Variants in ARHGEF4 observed in about 807,000 individuals in gnomAD.
ARHGEF4 encodes APC-stimulated guanine nucleotide exchange factor 1.
In ARHGEF4, 119 loss-of-function variants were observed where a neutral mutation model predicts 162.0. That is an observed-to-expected ratio of 0.73 (90% CI 0.63 to 0.86). The LOEUF (loss-of-function observed/expected upper bound fraction) is 0.86. Among genes scored for constraint, ARHGEF4 ranks in the 40% least tolerant of loss-of-function variants. The pLI, the probability that ARHGEF4 is intolerant of heterozygous loss-of-function variation, is 0.00. For synonymous variants in ARHGEF4, 1,014 were observed against 979.9 expected, an observed-to-expected ratio of 1.03 and a Z score of -0.65; for missense variants, 2,488 against 2,456.0, an observed-to-expected ratio of 1.01 and a Z score of -0.28.
intron 1 of ARHGEF4, among the ~76,000 whole-genome samples, chr2:130,842,922 G>A (rs1028006739): frequency 6.6e-5 from 10 of 152,144 alleles, no homozygotes; most frequent in African/African-American, 1.4e-4. Context: ...TGAAGGGGGC[G>A]ACGTGCAGCT....
chr2:130,913,933 T>G lies in ARHGEF4; in HGVS notation c.40-53T>G, dbSNP rs982463357. ...CAAAGGCAGGCACGGTGTAAACATG[T>G]GCACAGATGTACTCAGGCCTTGTCT... is the stretch of plus-strand genomic sequence containing the variant. On this transcript the variant is annotated intron_variant, in intron 1 of 13. Transcript: ENST00000409359. The G allele has an allele frequency of 3.9e-6, 6 of 1,532,112 alleles. No homozygotes were observed. In the African/African-American group the frequency reaches 8.2e-5, roughly 21 times the overall value. The allele number at this position is 1,532,112 out of a possible 1,614,324, so 94.9% of individuals were successfully genotyped here.
At chr2:130,995,888 CTTT>C (rs1184456550) in intron 4 of ARHGEF4, among the ~76,000 whole-genome samples, 18 of 136,860 alleles carry the variant, frequency 1.3e-4, no homozygotes, top group African/African-American at 3.5e-4. Context: ...TATTATTCAC[CTTT>C]TTTTTTTTTT....
chr2:130,931,252 G>A lies in ARHGEF4; in HGVS notation c.3853G>A (p.Val1285Ile). Residue 1285 changes from valine (V) to isoleucine (I), a missense_variant, in exon 3 of 14, where the codon GTC (valine) becomes ATC (isoleucine). Transcript: ENST00000409359. ...CATAGGGGCAGTGCACAAAGATGGA[G>A]TCAAGGTAAGCCACTCCCGGCCAGG... ...LHIGAVHKDG[V>I]KCWRKTIITS... 6.2e-7 allele frequency: 1 copy of A among 1,604,098 alleles called. No homozygotes were observed. Among genetic ancestry groups the A allele is most frequent in the South Asian group, 1.1e-5 (1 of 90,234 alleles).
intron 4 of ARHGEF4, among the ~76,000 whole-genome samples, chr2:131,027,384 T>C (rs1245434526): frequency 6.6e-6 from 1 of 152,218 alleles, no homozygotes; most frequent in Non-Finnish European, 1.5e-5. Flanking sequence ...AAGTTCTAAC[T>C]CTTGAATATC....
intron 5 of ARHGEF4, chr2:131,034,835 G>T (rs945819613): frequency 1.9e-4 from 46 of 246,154 alleles, no homozygotes; most frequent in African/African-American, 1.0e-3. Context: ...GCAGCGCAGC[G>T]CACGCCCGAG....
rs1247179544 is a variant in ARHGEF4, at chr2:130,914,869, G to A, written c.923G>A (p.Arg308His). The A allele has an allele frequency of 1.3e-5, 20 of 1,484,488 alleles. No homozygotes were observed. The highest frequency in any genetic ancestry group is 4.2e-5 in the South Asian group (3 of 71,966). The allele number at this position is 1,484,488 out of a possible 1,614,324, so 92.0% of individuals were successfully genotyped here. ...LRTSCLLRTN[R>H]HHSAPETTGD... ...ACATCTTGCCTCCTACGCACCAACCGTCACCATAGTGCCCCAGAAACTACT... is the reference window on the plus strand; with the variant it reads ...ACATCTTGCCTCCTACGCACCAACCATCACCATAGTGCCCCAGAAACTACT... The change falls in exon 2 of 14, where the codon CGT becomes CAT. Residue 308 changes from arginine (R) to histidine (H), a missense_variant. This residue lies in a region of ARHGEF4 where 1,642 missense variants were observed against 1,481.5 expected (regional missense o/e 1.11). Coordinates refer to ENST00000409359, the MANE Select transcript of ARHGEF4 (RefSeq NM_001367493.1).
chr2:130,929,261 G>A lies in ARHGEF4; in HGVS notation c.3553-1691G>A, dbSNP rs1315403382. Among the ~76,000 whole-genome samples, 6 of 152,176 alleles carry A rather than the reference G, an allele frequency of 3.9e-5. No homozygotes were observed. The East Asian group carries it at 1.2e-3, about 29-fold the overall frequency. The stretch of plus-strand genomic sequence containing the variant: ...CTCAAATAAACACATTAGATCAGTG[G>A]TTTGCAACCTTGGACATACCTGGAG... On this transcript the variant is annotated intron_variant, in intron 2 of 13. Coordinates refer to ENST00000409359, the MANE Select transcript of ARHGEF4 (RefSeq NM_001367493.1).
At chr2:130,937,402 C>T (rs1034138149) in intron 3 of ARHGEF4, among the ~76,000 whole-genome samples, 1 of 152,082 alleles carries the variant, frequency 6.6e-6, no homozygotes, top group Non-Finnish European at 1.5e-5. Context: ...AGACATGTTA[C>T]ATTGAATTTT....
chr2:130,975,473 C>G (rs894458736), intron 4 of ARHGEF4, among the ~76,000 whole-genome samples: 3 of 152,106 alleles, frequency 2.0e-5, no homozygotes, highest in Non-Finnish European at 4.4e-5. Flanking sequence ...GGCCCAGGTA[C>G]CAAAAAACTC....
chr2:130,988,272 C>G (rs573395402), intron 4 of ARHGEF4, among the ~76,000 whole-genome samples: 1 of 152,326 alleles, frequency 6.6e-6, no homozygotes, highest in South Asian at 2.1e-4. Flanking sequence ...GTGGGAAGCT[C>G]TCTGCCAGCC....
At chr2:130,895,539 T>C (rs1423382995) in intron 1 of ARHGEF4, among the ~76,000 whole-genome samples, 1 of 152,190 alleles carries the variant, frequency 6.6e-6, no homozygotes, top group East Asian at 1.9e-4. Flanking sequence ...CCTCAGCTTT[T>C]TGGGTTTTGG....
At chr2:131,030,973 GGGTT>G (rs1165363042) in intron 5 of ARHGEF4, among the ~76,000 whole-genome samples, 2 of 152,248 alleles carry the variant, frequency 1.3e-5, no homozygotes, top group Non-Finnish European at 2.9e-5. Context: ...GCTTTGCTGG[GGGTT>G]AGCGTGACTT....
chr2:130,866,261 T>G (rs1421742312), intron 1 of ARHGEF4, among the ~76,000 whole-genome samples: 2 of 152,140 alleles, frequency 1.3e-5, no homozygotes, highest in Non-Finnish European at 1.5e-5. Context: ...GGCATGCATC[T>G]GTAATCCAGC....
chr2:130,917,304 C>T lies in ARHGEF4; in HGVS notation c.3358C>T (p.Leu1120Phe), dbSNP rs1390021946. 2 of 1,550,480 alleles carry T rather than the reference C, an allele frequency of 1.3e-6. No individual in the cohort carries two copies. Among genetic ancestry groups the T allele is most frequent in the African/African-American group, 2.7e-5 (2 of 73,050 alleles). ...GRGSAISMVS[L>F]GSYSYVDSSS... ...GGGTAGCGCCATCTCCATGGTTTCT[C>T]TTGGAAGCTACAGCTACGTGGACAG... is the stretch of plus-strand genomic sequence containing the variant. Residue 1120 changes from leucine to phenylalanine, a missense_variant, in exon 2 of 14, where the codon CTT becomes TTT. By Grantham distance (22) the Leu-to-Phe change is conservative. This residue lies in a region of ARHGEF4 where 1,642 missense variants were observed against 1,481.5 expected (regional missense o/e 1.11). Transcript: ENST00000409359.
chr2:130,873,373 G>T (rs1408777434), intron 1 of ARHGEF4, among the ~76,000 whole-genome samples: 1 of 152,124 alleles, frequency 6.6e-6, no homozygotes, highest in African/African-American at 2.4e-5. Flanking sequence ...TGGATCACCT[G>T]AGATCAGGAG....
chr2:131,043,677 G>A, intron 11 of ARHGEF4, 94 bp downstream of exon 11: 1 of 1,578,962 alleles, frequency 6.3e-7, no homozygotes, highest in South Asian at 1.1e-5. Context: ...ACAGGTGCCA[G>A]CCAGACCATA....
chr2:131,022,565 G>A (rs1689200384), intron 4 of ARHGEF4, among the ~76,000 whole-genome samples: 1 of 151,308 alleles, frequency 6.6e-6, no homozygotes, highest in Non-Finnish European at 1.5e-5. Flanking sequence ...GTGGAGAAAT[G>A]ATATTCTTTT....
intron 1 of ARHGEF4, among the ~76,000 whole-genome samples, chr2:130,890,632 A>G (rs1679809656): frequency 6.6e-6 from 1 of 151,182 alleles, no homozygotes; most frequent in Non-Finnish European, 1.5e-5. Flanking sequence ...AACCTATCTT[A>G]TAATTCACTA....
intron 4 of ARHGEF4, among the ~76,000 whole-genome samples, chr2:131,008,270 T>C (rs991724832): frequency 2.6e-5 from 4 of 152,232 alleles, no homozygotes; most frequent in African/African-American, 9.6e-5. Context: ...TACATACTTG[T>C]GTGCTTTTCT....
Sources: gnomAD v4.1 joint callset for allele counts (sites outside exome capture counted in the v4.1 genomes callset) on GRCh38, gnomAD v4.1.1 for gene constraint, gnomAD v4.1.1 regional missense constraint, MANE v1.5 for transcripts, NCBI Gene and HGNC (gene_info 2026-07-23, HGNC 2026-07-21) for gene names.